PGM1: variants seen among roughly 807,000 people sequenced by gnomAD.
PGM1 encodes phosphoglucomutase-1.
PGM1 carries 52 observed loss-of-function variants against 55.6 expected under a neutral mutation model. The ratio of observed to expected loss-of-function variants is 0.94; its 90% CI spans 0.75 to 1.18. PGM1 has a LOEUF of 1.18. Ranked by LOEUF, PGM1 falls within the 50% of genes most tolerant of loss-of-function variation. The pLI is 0.00. For missense variants in PGM1, 724 were observed against 729.3 expected (o/e 0.99, Z 0.08); for synonymous variants, 287 against 271.7 (o/e 1.06, Z -0.55).
chr1:63,652,074 C>T (rs1031408859), intron 9 of PGM1, among the ~76,000 whole-genome samples: 6 of 152,176 alleles, frequency 3.9e-5, no homozygotes, highest in Non-Finnish European at 8.8e-5. Flanking sequence ...CCAGTACCCT[C>T]ATTCTGGGAT....
intron 1 of PGM1, among the ~76,000 whole-genome samples, chr1:63,611,414 G>A (rs1378366371): frequency 2.6e-5 from 4 of 152,162 alleles, no homozygotes; most frequent in African/African-American, 7.2e-5. Flanking sequence ...CAGCATTGCA[G>A]GAAGGGAAGA....
chr1:63,608,205 A>G (rs1648475404), intron 1 of PGM1, among the ~76,000 whole-genome samples: 2 of 152,236 alleles, frequency 1.3e-5, no homozygotes, highest in African/African-American at 2.4e-5. Context: ...ATTGACCTGT[A>G]GAGAGGAGCT....
chr1:63,645,597 A>G (rs1649627465), intron 7 of PGM1, among the ~76,000 whole-genome samples: 2 of 152,226 alleles, frequency 1.3e-5, no homozygotes, highest in Admixed American at 1.3e-4. Context: ...AAGGGCAAAT[A>G]AAAGTCTAAA....
chr1:63,632,341 GACATGTA>G (rs1649218066), intron 4 of PGM1, among the ~76,000 whole-genome samples: 2 of 152,190 alleles, frequency 1.3e-5, no homozygotes, highest in Non-Finnish European at 2.9e-5. Context: ...GGTTTTCTCA[GACATGTA>G]GGTATATGAG....
chr1:63,613,891 A>G (rs934906747), intron 1 of PGM1, among the ~76,000 whole-genome samples: 1 of 152,114 alleles, frequency 6.6e-6, no homozygotes, highest in African/African-American at 2.4e-5. Context: ...AGTTTAAACA[A>G]ATTTGATCAT....
intron 1 of PGM1, among the ~76,000 whole-genome samples, chr1:63,618,730 G>A (rs574905438): frequency 7.9e-5 from 12 of 152,208 alleles, no homozygotes; most frequent in Admixed American, 3.3e-4. Flanking sequence ...GGTGTGGCTC[G>A]GCCAAGGGTC....
At chr1:63,625,922 C>T (rs984136867) in intron 1 of PGM1, among the ~76,000 whole-genome samples, 1 of 152,108 alleles carries the variant, frequency 6.6e-6, no homozygotes, top group African/African-American at 2.4e-5. Context: ...AAGAGCAGGA[C>T]CCATGTGCAT....
In PGM1 at chr1:63,629,689, AG is replaced by A. The variant is rs903008342; in HGVS notation, c.409+107del. On this transcript the variant is annotated intron_variant, in intron 2 of 10. Transcript: ENST00000371084. ...CAGGGTTTTGGTTCTGATCCTTTGC[AG>A]GGGGTAGGGAGGTGCTCTTTGCTTC... 5.8e-6 allele frequency: 7 copies of A among 1,199,654 alleles called. No individual in the cohort carries two copies. In the Admixed American group the frequency reaches 7.1e-5, roughly 12 times the overall value. The allele number at this position is 1,199,654 out of a possible 1,614,324, so 74.3% of individuals were successfully genotyped here. A position where few individuals can be genotyped will look rare whatever the true frequency, so the allele number is the denominator to read the frequency against.
At chr1:63,640,284 A>G (rs1649480571) in intron 7 of PGM1, among the ~76,000 whole-genome samples, 1 of 152,174 alleles carries the variant, frequency 6.6e-6, no homozygotes, top group Non-Finnish European at 1.5e-5. Context: ...GTGAAAAGAT[A>G]AAAGTCTAGA....
chr1:63,618,997 A>T (rs963487695), intron 1 of PGM1, among the ~76,000 whole-genome samples: 1 of 152,174 alleles, frequency 6.6e-6, no homozygotes, highest in Admixed American at 6.5e-5. Flanking sequence ...ACGGACTCTC[A>T]CATATTGTCA....
At chr1:63,599,101 C>T (rs1648161156) in intron 1 of PGM1, among the ~76,000 whole-genome samples, 1 of 152,104 alleles carries the variant, frequency 6.6e-6, no homozygotes, top group Non-Finnish European at 1.5e-5. Context: ...GTGGAGACAC[C>T]TTGCTACTTT....
intron 1 of PGM1, among the ~76,000 whole-genome samples, chr1:63,603,662 T>A (rs1648303973): frequency 6.6e-6 from 1 of 152,084 alleles, no homozygotes. Context: ...GGTTCTAGAG[T>A]TCGAGTGGAA....
intron 7 of PGM1, among the ~76,000 whole-genome samples, chr1:63,647,259 CATATAT>C (rs55760196): frequency 2.2e-3 from 124 of 55,312 alleles, no homozygotes; most frequent in Middle Eastern, 0.013. Context: ...TAAAATTTTA[CATATAT>C]ATATATATAT....
intron 1 of PGM1, among the ~76,000 whole-genome samples, chr1:63,597,026 A>G (rs1239911150): frequency 6.6e-6 from 1 of 152,202 alleles, no homozygotes; most frequent in Non-Finnish European, 1.5e-5. Context: ...ATTGTACTTG[A>G]GATACAAAAT....
rs1405539424 is a variant in PGM1 at position 63,593,740 on chromosome 1, G to T, written c.246+6G>T. 1.3e-6 allele frequency: 2 copies of T among 1,589,856 alleles called. No individual in the cohort carries two copies. Among genetic ancestry groups the T allele is most frequent in the South Asian group, 2.3e-5 (2 of 88,682 alleles). Reference sequence around the variant, plus strand: ...GCATCGCTGCCGCCAACGGGGTAAGGGATGCGCGGCCCCGCGCCGCTGTGC... The same window carrying T: ...GCATCGCTGCCGCCAACGGGGTAAGTGATGCGCGGCCCCGCGCCGCTGTGC... On this transcript the variant is annotated splice_donor_region_variant and intron_variant, in intron 1 of 10. Coordinates refer to ENST00000371084, the MANE Select transcript of PGM1 (RefSeq NM_002633.3).
intron 1 of PGM1, chr1:63,594,090 G>T: frequency 5.8e-6 from 6 of 1,035,566 alleles, no homozygotes; most frequent in Non-Finnish European, 6.9e-6. Context: ...CCCTAACCTT[G>T]CAGCCTTGGA....
At chr1:63,608,809 A>C (rs1234101823) in intron 1 of PGM1, among the ~76,000 whole-genome samples, 1 of 152,216 alleles carries the variant, frequency 6.6e-6, no homozygotes, top group African/African-American at 2.4e-5. Context: ...TGAGAAAATC[A>C]CTTACCCCAC....
At chr1:63,617,612 T>C (rs1648773106) in intron 1 of PGM1, among the ~76,000 whole-genome samples, 1 of 151,382 alleles carries the variant, frequency 6.6e-6, no homozygotes, top group South Asian at 2.1e-4. Context: ...GGATTGAGGC[T>C]GAGGCACGAG....
chr1:63,654,313 C>T lies in PGM1; in HGVS notation c.1465-19C>T, dbSNP rs756131913. 1.2e-6 allele frequency: 2 copies of T among 1,613,358 alleles called. No homozygotes were observed. Among genetic ancestry groups the T allele is most frequent in the South Asian group, 2.2e-5 (2 of 90,986 alleles). On this transcript the variant is annotated intron_variant, in intron 9 of 10. Coordinates refer to ENST00000371084, the MANE Select transcript of PGM1 (RefSeq NM_002633.3). ...TCTCCCAGCATTTGGGGAAAAAAATCTCTGCTTATCTTTTCCAGGGCTTGC... is the reference window on the plus strand; with the variant it reads ...TCTCCCAGCATTTGGGGAAAAAAATTTCTGCTTATCTTTTCCAGGGCTTGC...
Sources: gnomAD v4.1 joint callset for allele counts (sites outside exome capture counted in the v4.1 genomes callset) on GRCh38, gnomAD v4.1.1 for gene constraint, MANE v1.5 for transcripts, NCBI Gene and HGNC (gene_info 2026-07-23, HGNC 2026-07-21) for gene names.